UBASH3B: variants seen among roughly 807,000 people sequenced by gnomAD.
UBASH3B encodes the protein ubiquitin-associated and SH3 domain-containing protein B.
Under a neutral mutation model 83.4 loss-of-function variants are expected in UBASH3B, and 37 were observed. The observed-to-expected ratio is 0.44, with a 90% CI of 0.34 to 0.58. UBASH3B has a LOEUF of 0.58. Ranked by LOEUF, UBASH3B falls within the 20% of genes least tolerant of loss-of-function variation. The pLI is 0.01. For missense variants in UBASH3B, 657 were observed against 827.2 expected (o/e 0.79, Z 2.52); for synonymous variants, 304 against 318.3 (o/e 0.96, Z 0.48).
At chr11:122,723,312 AT>A (rs1860674840) in intron 1 of UBASH3B, among the ~76,000 whole-genome samples, 1 of 152,222 alleles carries the variant, frequency 6.6e-6, no homozygotes, top group Non-Finnish European at 1.5e-5. Flanking sequence ...TCCTTTGCAG[AT>A]GTGACTCAAA....
chr11:122,660,550 G>A (rs1863425764), intron 1 of UBASH3B, among the ~76,000 whole-genome samples: 1 of 152,120 alleles, frequency 6.6e-6, no homozygotes, highest in Non-Finnish European at 1.5e-5. Context: ...GGAGAAGATG[G>A]GACAGGACTC....
intron 7 of UBASH3B, 27 bp downstream of exon 7, chr11:122,794,861 C>T (rs775045211): frequency 6.2e-7 from 1 of 1,612,186 alleles, no homozygotes; most frequent in African/African-American, 1.3e-5. Context: ...GGGTCACACC[C>T]CCAACTCTAA....
Position 122,796,788 on chromosome 11 carries a change from A to G in UBASH3B, c.1235-123A>G, listed in dbSNP as rs778651280. The G allele has an allele frequency of 4.8e-4, 635 of 1,315,796 alleles. 1 individual carries two copies. Among genetic ancestry groups the G allele is most frequent in the Non-Finnish European group, 6.3e-4 (587 of 937,594 alleles). The allele number at this position is 1,315,796 out of a possible 1,614,324, so 81.5% of individuals were successfully genotyped here. A position where few individuals can be genotyped will look rare whatever the true frequency, so the allele number is the denominator to read the frequency against. On this transcript the variant is annotated intron_variant, in intron 8 of 13. Transcript: ENST00000284273. ...AGCCTTGATATTTTCTATCAGCTCCAGAGAGCTCAGTGTGATCTCTTTGGC... is the reference window on the plus strand; with the variant it reads ...AGCCTTGATATTTTCTATCAGCTCCGGAGAGCTCAGTGTGATCTCTTTGGC...
intron 1 of UBASH3B, among the ~76,000 whole-genome samples, chr11:122,676,778 C>T (rs1055125478): frequency 4.2e-4 from 64 of 152,314 alleles, no homozygotes; most frequent in Middle Eastern, 3.4e-3. Context: ...CTGTCTTCCC[C>T]TCAGGCTCCC....
chr11:122,720,974 G>T (rs1486085808), intron 1 of UBASH3B, among the ~76,000 whole-genome samples: 1 of 151,938 alleles, frequency 6.6e-6, no homozygotes, highest in Non-Finnish European at 1.5e-5. Flanking sequence ...GGCCAGGCGC[G>T]GTGGCTCACG....
rs142540753 is a variant in UBASH3B at position 122,756,626 on chromosome 11, C to T, written c.162-19593C>T. Among the ~76,000 whole-genome samples the T allele has an allele frequency of 1.0e-3, 153 of 152,172 alleles. 1 individual carries two copies. The highest frequency in any genetic ancestry group is 3.5e-3 in the African/African-American group (144 of 41,500). ...GGCTGTGGTAGGCCCTAGGGGCAGCCACTGTGGAGGAAGTCAAAGGAGGAA... is the reference window on the plus strand; with the variant it reads ...GGCTGTGGTAGGCCCTAGGGGCAGCTACTGTGGAGGAAGTCAAAGGAGGAA... On this transcript the variant is annotated intron_variant, in intron 1 of 13. Coordinates refer to ENST00000284273, the MANE Select transcript of UBASH3B (RefSeq NM_032873.5).
Position 122,758,882 on chromosome 11 carries a change from A to G in UBASH3B, c.162-17337A>G, listed in dbSNP as rs578038771. ...TTACCCTTTAGTGCTGAGCTTGGTC[A>G]TACCAGGTCATTTCAGCCAATGCTC... On this transcript the variant is annotated intron_variant, in intron 1 of 13. Transcript: ENST00000284273. The surrounding 1 kb of genome is among the most constrained non-coding windows in gnomAD (Gnocchi z 4.2). Among the ~76,000 whole-genome samples the G allele has an allele frequency of 6.6e-6, 1 of 152,328 alleles. No individual in the cohort carries two copies. The highest frequency in any genetic ancestry group is 2.1e-4 in the South Asian group (1 of 4,826).
intron 1 of UBASH3B, among the ~76,000 whole-genome samples, chr11:122,702,886 C>T (rs1475124896): frequency 6.6e-6 from 1 of 152,132 alleles, no homozygotes; most frequent in Non-Finnish European, 1.5e-5. Flanking sequence ...ATACTAACAT[C>T]ATTAAATGAA....
intron 7 of UBASH3B, 59 bp from the exon 8 acceptor site, chr11:122,796,090 ACCTGGCT>A (rs895662394): frequency 2.5e-6 from 4 of 1,592,340 alleles, no homozygotes; most frequent in Non-Finnish European, 3.4e-6. Context: ...CTCACCTGGC[ACCTGGCT>A]CCAAGACATG....
At chr11:122,656,338 G>A (rs1863362969) in intron 1 of UBASH3B, 128 bp downstream of exon 1, 1 of 1,026,890 alleles carries the variant, frequency 9.7e-7, no homozygotes, top group South Asian at 4.1e-5. Flanking sequence ...GAGACCTGTT[G>A]GGGGCGGGAT....
intron 1 of UBASH3B, among the ~76,000 whole-genome samples, chr11:122,736,403 C>A (rs1329043910): frequency 6.6e-6 from 1 of 151,722 alleles, no homozygotes; most frequent in Non-Finnish European, 1.5e-5. Flanking sequence ...TTAAGGCATG[C>A]AGAAGGGAGA....
In UBASH3B at chr11:122,777,057, T is replaced by C; in HGVS notation, c.249T>C (p.Asp83=). ...LFSHVGDPFL[D]DPLPREYVLY... ...CCCATGTCGGTGACCCCTTCCTGGA[T>C]GACCCCCTGCCCCGGGAGTACGTCC... The change falls in exon 3 of 14, where the codon GAT becomes GAC. Residue 83 remains aspartate, a synonymous_variant. Coordinates refer to ENST00000284273, the MANE Select transcript of UBASH3B (RefSeq NM_032873.5). 6.2e-7 allele frequency: 1 copy of C among 1,612,998 alleles called. No individual in the cohort carries two copies. The highest frequency in any genetic ancestry group is 8.5e-7 in the Non-Finnish European group (1 of 1,179,500).
intron 11 of UBASH3B, among the ~76,000 whole-genome samples, chr11:122,802,241 G>C (rs1861269569): frequency 6.7e-6 from 1 of 149,314 alleles, no homozygotes; most frequent in African/African-American, 2.5e-5. Flanking sequence ...CTTGAACCCA[G>C]GAGGCGGAGG....
At chr11:122,791,272 C>T (rs374755412) in intron 6 of UBASH3B, among the ~76,000 whole-genome samples, 32 of 152,266 alleles carry the variant, frequency 2.1e-4, no homozygotes, top group South Asian at 4.1e-4. Context: ...TGGATTTAAA[C>T]GATAACTCTC....
At chr11:122,778,824 C>T (rs1860790673) in intron 3 of UBASH3B, among the ~76,000 whole-genome samples, 2 of 152,156 alleles carry the variant, frequency 1.3e-5, no homozygotes, top group African/African-American at 4.8e-5. Flanking sequence ...AGGCTGGTCT[C>T]AAACTCCAGT....
At chr11:122,665,010 T>G (rs963694511) in intron 1 of UBASH3B, among the ~76,000 whole-genome samples, 2 of 152,178 alleles carry the variant, frequency 1.3e-5, no homozygotes, top group Non-Finnish European at 2.9e-5. Context: ...CCGGGTTCAC[T>G]TCATTCTCCT....
intron 1 of UBASH3B, among the ~76,000 whole-genome samples, chr11:122,757,846 T>G (rs2135973574): frequency 6.6e-6 from 1 of 151,572 alleles, no homozygotes; most frequent in South Asian, 2.1e-4. Context: ...CCTGAGTAGC[T>G]GGGATTACAG....
At chr11:122,734,491 G>A (rs1453613829) in intron 1 of UBASH3B, among the ~76,000 whole-genome samples, 1 of 152,114 alleles carries the variant, frequency 6.6e-6, no homozygotes, top group Non-Finnish European at 1.5e-5. Flanking sequence ...TATACCACTA[G>A]GGTGGGAACT....
intron 5 of UBASH3B, among the ~76,000 whole-genome samples, chr11:122,788,171 A>T (rs1213552846): frequency 1.3e-5 from 2 of 152,244 alleles, no homozygotes; most frequent in Non-Finnish European, 2.9e-5. Context: ...AGCTGGCTAC[A>T]TGCTGACATA....
Sources: gnomAD v4.1 joint callset for allele counts (sites outside exome capture counted in the v4.1 genomes callset) on GRCh38, gnomAD v4.1.1 for gene constraint, Gnocchi (gnomAD v3.1) non-coding constraint, MANE v1.5 for transcripts, NCBI Gene and HGNC (gene_info 2026-07-23, HGNC 2026-07-21) for gene names.